The following CDK19 variants were observed in gnomAD, a reference collection of about 807,000 sequenced individuals.
The protein encoded by CDK19 is cyclin dependent kinase 19, also known as cyclin-dependent kinase 19.
Under a neutral mutation model 68.3 loss-of-function variants are expected in CDK19, and 20 were observed. That is an observed-to-expected ratio of 0.29 (90% confidence interval 0.21 to 0.43). CDK19 has a LOEUF of 0.43. Among genes scored for constraint, CDK19 ranks in the 20% least tolerant of loss-of-function variants. The probability of loss-of-function intolerance (pLI) is 1.00; values close to 1 mark genes in which losing one functional copy is unlikely to be tolerated. For synonymous variants in CDK19, 221 were observed against 222.8 expected, an observed-to-expected ratio of 0.99 and a Z score of 0.07; for missense variants, 339 against 623.5, an observed-to-expected ratio of 0.54 and a Z score of 4.86.
At chr6:110,772,458 A>G (rs1409280495) in intron 1 of CDK19, among the ~76,000 whole-genome samples, 6 of 152,036 alleles carry the variant, frequency 3.9e-5, no homozygotes, top group Non-Finnish European at 8.8e-5. Flanking sequence ...ACGAGGAGAT[A>G]TGGGTGGGGA....
chr6:110,658,029 A>T (rs73524687), intron 4 of CDK19, among the ~76,000 whole-genome samples: 3,124 of 152,330 alleles, frequency 0.021, 108 homozygotes, highest in African/African-American at 0.072. Context: ...ATCATAGCCC[A>T]TGTCTAGAAA....
At chr6:110,670,765 T>C in intron 2 of CDK19, 3 of 621,200 alleles carry the variant, frequency 4.8e-6, no homozygotes. Context: ...GGTATATCTG[T>C]TTTGTTTTGT....
intron 2 of CDK19, chr6:110,706,942 A>C (rs1421095891): frequency 6.6e-6 from 1 of 152,262 alleles, no homozygotes; most frequent in Admixed American, 6.6e-5. Flanking sequence ...AATTTGGCAA[A>C]GTGGAAGATG....
intron 4 of CDK19, among the ~76,000 whole-genome samples, chr6:110,655,259 G>T (rs1406350833): frequency 6.6e-6 from 1 of 151,840 alleles, no homozygotes; most frequent in African/African-American, 2.4e-5. Flanking sequence ...CTAGCTACTT[G>T]GGAGGCTGAG....
intron 4 of CDK19, 46 bp from the exon 5 acceptor site, chr6:110,638,752 G>T: frequency 9.8e-7 from 1 of 1,018,638 alleles, no homozygotes; most frequent in Non-Finnish European, 1.5e-6. Flanking sequence ...TTATTCTTTT[G>T]ACATGCTCTA....
chr6:110,716,823 G>A (rs1430545803), intron 2 of CDK19, among the ~76,000 whole-genome samples: 1 of 152,130 alleles, frequency 6.6e-6, no homozygotes, highest in South Asian at 2.1e-4. Flanking sequence ...CAGTGGTCCA[G>A]TGATTGACAC....
chr6:110,676,383 T>C (rs1296084001), intron 2 of CDK19, among the ~76,000 whole-genome samples: 1 of 152,238 alleles, frequency 6.6e-6, no homozygotes, highest in Non-Finnish European at 1.5e-5. Flanking sequence ...TAATTTGGAA[T>C]ATTACATAAA....
At chr6:110,787,836 T>TTTTG (rs931007377) in intron 1 of CDK19, among the ~76,000 whole-genome samples, 1 of 152,064 alleles carries the variant, frequency 6.6e-6, no homozygotes, top group Non-Finnish European at 1.5e-5. Context: ...TTTGCGGTTT[T>TTTTG]TTTGTTTGTT....
At chr6:110,759,404 T>TAAAA (rs1157889434) in intron 1 of CDK19, among the ~76,000 whole-genome samples, 44 of 57,218 alleles carry the variant, frequency 7.7e-4, no homozygotes, top group African/African-American at 3.1e-3. Flanking sequence ...GACTCCGTCT[T>TAAAA]AAAAAAAAAA....
intron 2 of CDK19, among the ~76,000 whole-genome samples, chr6:110,718,399 A>C (rs770999442): frequency 2.6e-5 from 4 of 152,090 alleles, no homozygotes; most frequent in Non-Finnish European, 5.9e-5. Context: ...CTACTATGTC[A>C]GTGAAAACAA....
intron 4 of CDK19, chr6:110,646,516 C>G: frequency 7.5e-7 from 1 of 1,324,764 alleles, no homozygotes; most frequent in South Asian, 1.6e-5. Context: ...CCTGGGAAAC[C>G]GACGTGCGCC....
intron 2 of CDK19, among the ~76,000 whole-genome samples, chr6:110,707,894 C>T (rs1347199531): frequency 6.6e-6 from 1 of 152,102 alleles, no homozygotes; most frequent in Non-Finnish European, 1.5e-5. Context: ...ATCTCTTGAA[C>T]CCGGGAGGCA....
At chr6:110,814,809 G>C in intron 1 of CDK19, 200 bp downstream of exon 1, 5 of 716,556 alleles carry the variant, frequency 7.0e-6, no homozygotes, top group Non-Finnish European at 1.2e-5. Context: ...CGCCGCGGGA[G>C]TTCGAGGTAC....
chr6:110,766,748 G>A lies in CDK19; in HGVS notation c.129-20547C>T, dbSNP rs372818406. Among the ~76,000 whole-genome samples, 11 of 151,512 alleles carry A rather than the reference G, an allele frequency of 7.3e-5. No individual in the cohort carries two copies. In the East Asian group the frequency reaches 1.8e-3, roughly 24 times the overall value. ...AGTGCAATGGCTCATGCCTGTAATC[G>A]CAGCACTTTGGGAGGCTAAGGCAGG... On this transcript the variant is annotated intron_variant, in intron 1 of 12. Coordinates refer to ENST00000368911, the MANE Select transcript of CDK19 (RefSeq NM_015076.5).
chr6:110,692,043 C>A (rs1773042219), intron 2 of CDK19, among the ~76,000 whole-genome samples: 3 of 151,672 alleles, frequency 2.0e-5, no homozygotes, highest in African/African-American at 7.3e-5. Context: ...TGCCTGTAAT[C>A]CCAGCACTTC....
At chr6:110,682,419 T>C (rs1772096921) in intron 2 of CDK19, among the ~76,000 whole-genome samples, 1 of 152,152 alleles carries the variant, frequency 6.6e-6, no homozygotes, top group Non-Finnish European at 1.5e-5. Context: ...CTCCTAAAAC[T>C]GTAAATTAAG....
At position 110,727,047 on chromosome 6, in the gene CDK19, T is replaced by C. The variant is rs148188742; in HGVS notation, c.204+19079A>G. Among the ~76,000 whole-genome samples the C allele has an allele frequency of 2.2e-4, 33 of 152,258 alleles. 1 individual carries two copies. The East Asian group carries it at 6.4e-3, about 29-fold the overall frequency. On this transcript the variant is annotated intron_variant, in intron 2 of 12. Coordinates refer to ENST00000368911, the MANE Select transcript of CDK19 (RefSeq NM_015076.5). Reference sequence around the variant, plus strand: ...GTTTTATTATAGGTCAACAATAGAATACTGGGTTTCAATAATATGAACTTT... The same window carrying C: ...GTTTTATTATAGGTCAACAATAGAACACTGGGTTTCAATAATATGAACTTT...
intron 1 of CDK19, among the ~76,000 whole-genome samples, chr6:110,785,601 T>C (rs1446360120): frequency 6.6e-6 from 1 of 151,642 alleles, no homozygotes; most frequent in African/African-American, 2.4e-5. Flanking sequence ...AAGAGGGGAG[T>C]TGGTCTTGCT....
rs182228745 is a variant in CDK19, at chr6:110,745,199, G to A, written c.204+927C>T. Among the ~76,000 whole-genome samples the A allele has an allele frequency of 3.3e-5, 5 of 152,096 alleles. No individual in the cohort carries two copies. The East Asian group carries it at 9.7e-4, about 29-fold the overall frequency. ...CCTCTGTTTTCTGATCTGTAAAATG[G>A]GGATATTAAAATTTTATTTCACAGA... On this transcript the variant is annotated intron_variant, in intron 2 of 12. Transcript: ENST00000368911.
Sources: allele counts gnomAD v4.1 joint callset (sites outside exome capture counted in the v4.1 genomes callset), GRCh38; gene constraint gnomAD v4.1.1; transcripts MANE v1.5; gene names NCBI Gene and HGNC (gene_info 2026-07-23, HGNC 2026-07-21).